The following ABCA12 variants were observed in gnomAD, a reference collection of about 807,000 sequenced individuals.
ABCA12 encodes the protein glucosylceramide transporter ABCA12.
Under a neutral mutation model 293.5 loss-of-function variants are expected in ABCA12, and 156 were observed. The ratio of observed to expected loss-of-function variants is 0.53; its 90% CI spans 0.47 to 0.61. The LOEUF (loss-of-function observed/expected upper bound fraction) is 0.61. ABCA12 is among the 20% of genes least tolerant of loss of function. The pLI is 0.00. For missense variants in ABCA12, 2,797 were observed against 3,090.2 expected (o/e 0.91, Z 2.25); for synonymous variants, 1,063 against 1,108.0 (o/e 0.96, Z 0.81).
intron 8 of ABCA12, among the ~76,000 whole-genome samples, chr2:215,032,931 G>C (rs1208017854): frequency 6.6e-6 from 1 of 151,990 alleles, no homozygotes; most frequent in Non-Finnish European, 1.5e-5. Context: ...TTTTTTTGCT[G>C]GTCCTGATTA....
intron 2 of ABCA12, among the ~76,000 whole-genome samples, chr2:215,081,351 G>A (rs528719859): frequency 2.6e-5 from 4 of 151,874 alleles, no homozygotes; most frequent in African/African-American, 7.2e-5. Flanking sequence ...GGTGGTGCAC[G>A]CCTGTAGTCC....
chr2:215,083,422 C>T (rs1231530007), intron 2 of ABCA12, among the ~76,000 whole-genome samples: 1 of 152,144 alleles, frequency 6.6e-6, no homozygotes. Context: ...TCAGAGAGGG[C>T]TTGGACTCAT....
chr2:215,052,495 A>G lies in ABCA12; in HGVS notation c.499T>C (p.Leu167=), dbSNP rs372389054. ...AAATTGAATCAAGTTACCTTTTCCA[A>G]GCCAAGAATTCGTGCGAGCACTTGA... is the stretch of plus-strand genomic sequence containing the variant. ...GSQVLARILG[L]EKLLKQNSTS... Residue 167 remains leucine, a synonymous_variant, in exon 5 of 53, where the codon TTG becomes CTG. Transcript: ENST00000272895. The G allele has an allele frequency of 9.3e-6, 15 of 1,612,294 alleles. No individual in the cohort carries two copies. The highest frequency in any genetic ancestry group is 1.2e-5 in the Non-Finnish European group (14 of 1,178,862).
At chr2:215,053,564 A>T (rs1288057572) in intron 4 of ABCA12, among the ~76,000 whole-genome samples, 3 of 152,094 alleles carry the variant, frequency 2.0e-5, no homozygotes, top group Non-Finnish European at 4.4e-5. Context: ...AGACCCACAG[A>T]TCATTCATAA....
chr2:215,136,613 C>G (rs921267773), intron 1 of ABCA12, among the ~76,000 whole-genome samples: 1 of 152,100 alleles, frequency 6.6e-6, no homozygotes, highest in Non-Finnish European at 1.5e-5. Flanking sequence ...CTTGACTGTA[C>G]GTGGATTTCT....
At chr2:215,098,168 C>T (rs1359068085) in intron 2 of ABCA12, among the ~76,000 whole-genome samples, 1 of 152,170 alleles carries the variant, frequency 6.6e-6, no homozygotes, top group East Asian at 1.9e-4. Context: ...ATTTGTTTCT[C>T]TTTGCGGTTT....
Position 215,049,632 on chromosome 2 carries a change from G to T in ABCA12, c.687C>A (p.Phe229Leu). 1 of 1,613,208 alleles carries T rather than the reference G, an allele frequency of 6.2e-7. No individual in the cohort carries two copies. Among genetic ancestry groups the T allele is most frequent in the Non-Finnish European group, 8.5e-7 (1 of 1,179,424 alleles). ...ATCAAAGATCTACACTCACCTGGGAGAACTGTTTGTTTAGTTCTTGGAGAG... is the reference window on the plus strand; with the variant it reads ...ATCAAAGATCTACACTCACCTGGGATAACTGTTTGTTTAGTTCTTGGAGAG... Reference protein sequence around the residue: ...ESSLQELNKQFSQLSSDPNNQ... With the variant: ...ESSLQELNKQLSQLSSDPNNQ... The change falls in exon 6 of 53, where the codon TTC becomes TTA. Residue 229 changes from phenylalanine to leucine, a missense_variant. Physicochemically the swap from Phe to Leu is conservative, Grantham distance 22. Coordinates refer to ENST00000272895, the MANE Select transcript of ABCA12 (RefSeq NM_173076.3).
At chr2:214,954,242 G>T in intron 43 of ABCA12, 135 bp from the exon 44 acceptor site, 1 of 871,914 alleles carries the variant, frequency 1.1e-6, no homozygotes, top group Non-Finnish European at 1.8e-6. Flanking sequence ...TCCCATATAG[G>T]CTGAATTTGC....
chr2:214,975,736 C>G (rs529569006), intron 34 of ABCA12, 49 bp downstream of exon 34: 2 of 1,612,382 alleles, frequency 1.2e-6, no homozygotes, highest in East Asian at 4.5e-5. Flanking sequence ...CAACCACACT[C>G]CTGGAAGCAT....
Position 214,932,512 on chromosome 2 carries a change from A to ACTT in ABCA12, c.*119_*121dup. The ACTT allele has an allele frequency of 1.2e-6, 1 of 809,732 alleles. No homozygotes were observed. Among genetic ancestry groups the ACTT allele is most frequent in the Non-Finnish European group, 2.1e-6 (1 of 486,516 alleles). 50.2% of individuals were successfully genotyped at this position (809,732 alleles called of 1,614,324 possible). A position where few individuals can be genotyped will look rare whatever the true frequency, so the allele number is the denominator to read the frequency against. On this transcript the variant is annotated 3_prime_UTR_variant, in exon 53 of 53. Transcript: ENST00000272895. ...TACTTGTTAGTCTAACACAGTTGTA[A>ACTT]CTTTCCATACAGTATATTACTTTAC...
At chr2:215,038,920 T>C (rs1441118237) in intron 7 of ABCA12, 2 of 152,256 alleles carry the variant, frequency 1.3e-5, no homozygotes, top group African/African-American at 2.4e-5. Flanking sequence ...CCATTGATAC[T>C]TGATATTTAT....
rs79899301 is a variant in ABCA12 at position 214,980,680 on chromosome 2, G to A, written c.4580-37C>T. 2.8e-4 allele frequency: 445 copies of A among 1,612,810 alleles called. 3 individuals are homozygous for A. In the East Asian group the frequency reaches 9.3e-3, roughly 34 times the overall value. ...AGACAAGAACAACAGGGAATGAAAC[G>A]TGAAAGTACAGTTCCCAAGACACAC... On this transcript the variant is annotated intron_variant, in intron 30 of 52. Coordinates refer to ENST00000272895, the MANE Select transcript of ABCA12 (RefSeq NM_173076.3).
At chr2:215,088,520 T>C (rs1209419457) in intron 2 of ABCA12, among the ~76,000 whole-genome samples, 1 of 152,222 alleles carries the variant, frequency 6.6e-6, no homozygotes, top group Non-Finnish European at 1.5e-5. Flanking sequence ...ATTTCCTTGA[T>C]TATTTTTCTT....
intron 50 of ABCA12, among the ~76,000 whole-genome samples, chr2:214,939,171 T>G (rs552888573): frequency 6.6e-6 from 1 of 152,356 alleles, no homozygotes; most frequent in African/African-American, 2.4e-5. Context: ...AGTTTCGGTT[T>G]TCTGCATATA....
At chr2:215,104,748 G>A (rs1702427799) in intron 2 of ABCA12, among the ~76,000 whole-genome samples, 1 of 152,176 alleles carries the variant, frequency 6.6e-6, no homozygotes, top group South Asian at 2.1e-4. Context: ...GCAAGAAGCA[G>A]GCTGTTAATG....
intron 9 of ABCA12, among the ~76,000 whole-genome samples, chr2:215,027,355 G>C (rs543236491): frequency 6.4e-4 from 97 of 151,392 alleles, no homozygotes; most frequent in Non-Finnish European, 1.1e-3. Context: ...CAAAAAAAAA[G>C]AAAAAAAAGA....
chr2:214,984,889 T>C (rs1219750006), intron 28 of ABCA12, among the ~76,000 whole-genome samples: 1 of 152,184 alleles, frequency 6.6e-6, no homozygotes, highest in Admixed American at 6.5e-5. Flanking sequence ...TTCTCTATAC[T>C]GTGATTAGAA....
intron 7 of ABCA12, chr2:215,038,982 TCAAAA>T (rs1243830254): frequency 6.6e-6 from 1 of 151,646 alleles, no homozygotes; most frequent in African/African-American, 2.4e-5. Context: ...ATGGAAATTA[TCAAAA>T]CAAAACATCA....
At chr2:214,952,821 A>G (rs1698821574) in intron 44 of ABCA12, among the ~76,000 whole-genome samples, 1 of 152,208 alleles carries the variant, frequency 6.6e-6, no homozygotes, top group South Asian at 2.1e-4. Context: ...TTTTCATTAC[A>G]TTTATTCTGT....
Sources: allele counts gnomAD v4.1 joint callset (sites outside exome capture counted in the v4.1 genomes callset), GRCh38; gene constraint gnomAD v4.1.1; transcripts MANE v1.5; gene names NCBI Gene and HGNC (gene_info 2026-07-23, HGNC 2026-07-21).